Variants in THRB observed in about 807,000 individuals in gnomAD.
THRB encodes thyroid hormone receptor beta, also known as nuclear receptor subfamily 1 group A member 2.
Under a neutral mutation model 47.8 loss-of-function variants are expected in THRB, and 12 were observed. The observed-to-expected ratio is 0.25, with a 90% confidence interval of 0.16 to 0.41. The LOEUF is 0.41. Ranked by LOEUF, THRB falls within the 10% of genes least tolerant of loss-of-function variation. THRB has a pLI of 1.00. For missense variants in THRB, 348 were observed against 589.2 expected (o/e 0.59, Z 4.24); for synonymous variants, 218 against 212.2 (o/e 1.03, Z -0.24).
chr3:24,232,048 C>T (rs1401992217), intron 3 of THRB, among the ~76,000 whole-genome samples: 1 of 152,164 alleles, frequency 6.6e-6, no homozygotes, highest in East Asian at 1.9e-4. Context: ...TGCCCTGTTT[C>T]TCTCTGGTCA....
intron 3 of THRB, among the ~76,000 whole-genome samples, chr3:24,286,975 T>C (rs2055372103): frequency 6.6e-6 from 1 of 152,138 alleles, no homozygotes; most frequent in Non-Finnish European, 1.5e-5. Context: ...AAGATCAAGT[T>C]AGACAGAAGT....
chr3:24,396,637 C>T (rs540787354), intron 1 of THRB, among the ~76,000 whole-genome samples: 64 of 152,158 alleles, frequency 4.2e-4, no homozygotes, highest in South Asian at 1.9e-3. Flanking sequence ...CTAGGGCCTC[C>T]GATTTCCTCT....
chr3:24,234,606 C>T (rs1004444450), intron 3 of THRB, among the ~76,000 whole-genome samples: 1 of 152,150 alleles, frequency 6.6e-6, no homozygotes, highest in Non-Finnish European at 1.5e-5. Context: ...ATGAATTACT[C>T]ATGGAGCCCA....
chr3:24,206,177 C>A lies in THRB; in HGVS notation c.23-15843G>T, dbSNP rs559874436. 5.3e-5 allele frequency among the ~76,000 whole-genome samples: 8 copies of A among 152,310 alleles called. No individual in the cohort carries two copies. The South Asian group carries it at 1.2e-3, about 24-fold the overall frequency. ...TAATAGACATCTACAGAACTGTCCA[C>A]CCCAAATCAACAGAATATACATTCT... is the stretch of plus-strand genomic sequence containing the variant. On this transcript the variant is annotated intron_variant, in intron 4 of 10. Coordinates refer to ENST00000646209, the MANE Select transcript of THRB (RefSeq NM_001354712.2).
intron 2 of THRB, among the ~76,000 whole-genome samples, chr3:24,317,503 G>T (rs904991164): frequency 3.9e-5 from 6 of 152,082 alleles, no homozygotes; most frequent in South Asian, 2.1e-4. Context: ...CCAATAAAAA[G>T]AGAGATGCTA....
At chr3:24,426,238 A>G (rs1483984505) in intron 1 of THRB, among the ~76,000 whole-genome samples, 1 of 151,922 alleles carries the variant, frequency 6.6e-6, no homozygotes, top group Non-Finnish European at 1.5e-5. Flanking sequence ...AATTAAATAA[A>G]ATAACTTTAT....
rs71057659 is a variant in THRB, at chr3:24,233,567, G to GAAAAGAAAGAAAGAAAGAAAC, written c.-42-4567_-42-4566insGTTTCTTTCTTTCTTTCTTTT. On this transcript the variant is annotated intron_variant, in intron 3 of 10. Coordinates refer to ENST00000646209, the MANE Select transcript of THRB (RefSeq NM_001354712.2). The stretch of plus-strand genomic sequence containing the variant: ...AGAGAAAGAAAGAAAAAGGAAGAAA[G>GAAAAGAAAGAAAGAAAGAAAC]AAAGAAAGAAAGAAAGAAAGAAAGA... Among the ~76,000 whole-genome samples the GAAAAGAAAGAAAGAAAGAAAC allele has an allele frequency of 8.0e-4, 108 of 135,714 alleles. 1 individual carries two copies. The highest frequency in any genetic ancestry group is 3.7e-3 in the Middle Eastern group (1 of 272). 89.0% of individuals were successfully genotyped at this position (135,714 alleles called of 152,430 possible). A position where few individuals can be genotyped will look rare whatever the true frequency, so the allele number is the denominator to read the frequency against.
Position 24,120,720 on chromosome 3 carries a change from C to T in THRB, c.*2164G>A, listed in dbSNP as rs1327826265. The T allele has an allele frequency of 6.6e-6, 1 of 152,250 alleles. No homozygotes were observed. The highest frequency in any genetic ancestry group is 1.5e-5 in the Non-Finnish European group (1 of 68,064). The allele number at this position is 152,250 out of a possible 1,614,324, so 9.4% of individuals were successfully genotyped here. A position where few individuals can be genotyped will look rare whatever the true frequency, so the allele number is the denominator to read the frequency against. On this transcript the variant is annotated 3_prime_UTR_variant, in exon 11 of 11. Transcript: ENST00000646209. ...TTAGCAGAGCAAGCAATTAAGGAGC[C>T]TGGCCAGAGGCTGCCTAGACAAAAC...
intron 1 of THRB, chr3:24,458,346 TA>T (rs990754466): frequency 1.3e-5 from 2 of 152,128 alleles, no homozygotes; most frequent in Non-Finnish European, 2.9e-5. Flanking sequence ...AAGAGTTTTT[TA>T]ATCAAAAAAT....
intron 2 of THRB, among the ~76,000 whole-genome samples, chr3:24,316,404 T>C (rs1367874028): frequency 6.6e-6 from 1 of 151,742 alleles, no homozygotes; most frequent in Non-Finnish European, 1.5e-5. Context: ...TCTCCCTCGG[T>C]TCCTTCCTTC....
chr3:24,244,090 T>C (rs2150288659), intron 3 of THRB, among the ~76,000 whole-genome samples: 1 of 151,838 alleles, frequency 6.6e-6, no homozygotes, highest in South Asian at 2.1e-4. Flanking sequence ...GGGTGAGGGA[T>C]TGGTTTAAGG....
At chr3:24,157,429 C>T (rs147149368) in intron 5 of THRB, among the ~76,000 whole-genome samples, 1 of 151,996 alleles carries the variant, frequency 6.6e-6, no homozygotes, top group African/African-American at 2.4e-5. Context: ...GGATTCTCAT[C>T]GGAGGCTTTA....
At chr3:24,334,976 G>A (rs959898857) in intron 2 of THRB, among the ~76,000 whole-genome samples, 1 of 152,160 alleles carries the variant, frequency 6.6e-6, no homozygotes, top group African/African-American at 2.4e-5. Context: ...CTCACTTACG[G>A]AATTCTTTAT....
chr3:24,338,580 C>T (rs1376875203), intron 1 of THRB, among the ~76,000 whole-genome samples: 1 of 152,152 alleles, frequency 6.6e-6, no homozygotes. Context: ...TTTATGGCTA[C>T]ATAAAAGCCC....
At chr3:24,427,463 A>G (rs1285315693) in intron 1 of THRB, among the ~76,000 whole-genome samples, 3 of 152,028 alleles carry the variant, frequency 2.0e-5, no homozygotes, top group Non-Finnish European at 4.4e-5. Context: ...CGTAGCTCAT[A>G]TGATTGTGTG....
chr3:24,135,183 T>C (rs897422558), intron 8 of THRB, among the ~76,000 whole-genome samples: 31 of 152,140 alleles, frequency 2.0e-4, no homozygotes, highest in Non-Finnish European at 3.2e-4. Context: ...CCTTGCCTCC[T>C]CCCGCATATC....
At chr3:24,242,437 C>G (rs2049637631) in intron 3 of THRB, among the ~76,000 whole-genome samples, 1 of 152,122 alleles carries the variant, frequency 6.6e-6, no homozygotes, top group African/African-American at 2.4e-5. Context: ...CTATTCATCC[C>G]TCTGAATTAG....
At chr3:24,487,280 T>C (rs1171009126) in intron 1 of THRB, among the ~76,000 whole-genome samples, 4 of 152,014 alleles carry the variant, frequency 2.6e-5, no homozygotes, top group Non-Finnish European at 5.9e-5. Flanking sequence ...AAGTGTGATA[T>C]AGTGAACTGT....
At chr3:24,334,602 A>C (rs1456377946) in intron 2 of THRB, among the ~76,000 whole-genome samples, 3 of 152,218 alleles carry the variant, frequency 2.0e-5, no homozygotes, top group Non-Finnish European at 4.4e-5. Context: ...TCTTGGATGG[A>C]GAGCCAACAA....
Sources: allele counts gnomAD v4.1 joint callset (sites outside exome capture counted in the v4.1 genomes callset), GRCh38; gene constraint gnomAD v4.1.1; transcripts MANE v1.5; gene names NCBI Gene and HGNC (gene_info 2026-07-23, HGNC 2026-07-21).